Variants in LRP1B observed in about 807,000 individuals in gnomAD.
The protein encoded by LRP1B is low-density lipoprotein receptor-related protein 1B.
LRP1B carries 217 observed loss-of-function variants against 556.6 expected under a neutral mutation model. The observed-to-expected ratio is 0.39, with a 90% confidence interval of 0.35 to 0.44. The LOEUF (loss-of-function observed/expected upper bound fraction) is 0.44, where lower values mean the gene tolerates loss of function less well. Among genes scored for constraint, LRP1B ranks in the 20% least tolerant of loss-of-function variants. The pLI, the probability that LRP1B is intolerant of heterozygous loss-of-function variation, is 1.00. For missense variants in LRP1B, 5,053 were observed against 5,620.8 expected (o/e 0.90, Z 3.23); for synonymous variants, 2,047 against 1,865.8 (o/e 1.10, Z -2.50).
At chr2:141,408,309 A>T (rs963264096) in intron 3 of LRP1B, among the ~76,000 whole-genome samples, 1 of 151,346 alleles carries the variant, frequency 6.6e-6, no homozygotes, top group Non-Finnish European at 1.5e-5. Context: ...CGCGCAGCTA[A>T]TTTTTTTTGT....
At chr2:141,623,359 G>A (rs1196173810) in intron 2 of LRP1B, among the ~76,000 whole-genome samples, 1 of 152,112 alleles carries the variant, frequency 6.6e-6, no homozygotes, top group African/African-American at 2.4e-5. Context: ...GTGGACAATG[G>A]TATATAATGT....
At chr2:140,437,328 T>C (rs1297478709) in intron 66 of LRP1B, among the ~76,000 whole-genome samples, 2 of 152,094 alleles carry the variant, frequency 1.3e-5, no homozygotes, top group Non-Finnish European at 2.9e-5. Flanking sequence ...TGTGATACCA[T>C]ATGTTAGAAA....
At chr2:140,872,360 A>ATTTTTTTTTTTTTTTTTTTTTTTT (rs59469282) in intron 25 of LRP1B, among the ~76,000 whole-genome samples, 2 of 60,488 alleles carry the variant, frequency 3.3e-5, no homozygotes, top group Admixed American at 2.3e-4. Flanking sequence ...GTGTCACCTG[A>ATTTTTTTTTTTTTTTTTTTTTTTT]TTTTTTTTTT....
At chr2:140,977,194 G>T (rs111313847) in intron 18 of LRP1B, among the ~76,000 whole-genome samples, 3,539 of 152,244 alleles carry the variant, frequency 0.023, 68 homozygotes, top group Non-Finnish European at 0.032. Flanking sequence ...ATGGGGGCAG[G>T]TCTTTGCCGT....
chr2:141,248,299 A>T (rs1262280799), intron 4 of LRP1B, among the ~76,000 whole-genome samples: 1 of 152,160 alleles, frequency 6.6e-6, no homozygotes, highest in Admixed American at 6.5e-5. Context: ...GCAGAAGACA[A>T]AATCAATAAA....
At chr2:141,434,482 G>A (rs1680680632) in intron 3 of LRP1B, among the ~76,000 whole-genome samples, 1 of 151,904 alleles carries the variant, frequency 6.6e-6, no homozygotes, top group Admixed American at 6.6e-5. Context: ...ATTTGAGGAA[G>A]TATTGTCAGT....
At chr2:141,320,840 C>T in intron 3 of LRP1B, among the ~76,000 whole-genome samples, 1 of 152,028 alleles carries the variant, frequency 6.6e-6, no homozygotes, top group East Asian at 1.9e-4. Flanking sequence ...TTAAATGATT[C>T]TATGTAATGA....
intron 3 of LRP1B, among the ~76,000 whole-genome samples, chr2:141,374,607 T>C (rs1689360214): frequency 6.6e-6 from 1 of 152,160 alleles, no homozygotes; most frequent in East Asian, 1.9e-4. Flanking sequence ...GACGGATTAT[T>C]TAAAAGGACA....
At chr2:141,447,535 C>T (rs1301965640) in intron 3 of LRP1B, among the ~76,000 whole-genome samples, 1 of 152,106 alleles carries the variant, frequency 6.6e-6, no homozygotes, top group African/African-American at 2.4e-5. Context: ...GGTGTTTCCT[C>T]ATGTTCATGG....
At chr2:141,810,130 A>T (rs1696300370) in intron 2 of LRP1B, 149 bp downstream of exon 2, 1 of 420,426 alleles carries the variant, frequency 2.4e-6, no homozygotes, top group Non-Finnish European at 4.1e-6. Flanking sequence ...AGAAAGAAAG[A>T]AAGAAAGAAA....
chr2:140,758,193 T>G (rs1279927401), intron 35 of LRP1B, among the ~76,000 whole-genome samples: 1 of 152,088 alleles, frequency 6.6e-6, no homozygotes, highest in Non-Finnish European at 1.5e-5. Context: ...GGTTAAAAAT[T>G]TTATGCTAAT....
chr2:140,760,320 A>G (rs1688870969), intron 35 of LRP1B, among the ~76,000 whole-genome samples: 2 of 152,180 alleles, frequency 1.3e-5, no homozygotes, highest in South Asian at 2.1e-4. Context: ...GACACTAAAC[A>G]TGCACAGGGC....
chr2:140,417,224 A>G (rs932842343), intron 66 of LRP1B, among the ~76,000 whole-genome samples: 1 of 152,256 alleles, frequency 6.6e-6, no homozygotes. Flanking sequence ...TGACAGCATC[A>G]TTCTTAGTGG....
In LRP1B at chr2:140,715,865, T is replaced by G. The variant is rs146687108; in HGVS notation, c.6023+108A>C. 42 of 859,974 alleles carry G rather than the reference T, an allele frequency of 4.9e-5. 1 individual carries two copies. In the East Asian group the frequency reaches 1.1e-3, roughly 22 times the overall value. 53.3% of individuals were successfully genotyped at this position (859,974 alleles called of 1,614,324 possible). A position where few individuals can be genotyped will look rare whatever the true frequency, so the allele number is the denominator to read the frequency against. ...CATTTTTTTCTGCTTAGGTAAGATA[T>G]TCTTGATTTTGTCTCAGACATTACA... On this transcript the variant is annotated intron_variant, in intron 37 of 90. Transcript: ENST00000389484.
intron 27 of LRP1B, among the ~76,000 whole-genome samples, chr2:140,852,460 ATGT>A (rs1437171854): frequency 6.6e-6 from 1 of 152,208 alleles, no homozygotes; most frequent in South Asian, 2.1e-4. Context: ...GTTGCAATAG[ATGT>A]TGTTATTTTC....
At chr2:141,409,815 A>ATCTTG (rs1690784408) in intron 3 of LRP1B, among the ~76,000 whole-genome samples, 2 of 152,108 alleles carry the variant, frequency 1.3e-5, no homozygotes, top group South Asian at 4.1e-4. Flanking sequence ...GGCCAAGGAT[A>ATCTTG]GTGTATCTGA....
At position 141,020,005 on chromosome 2, in the gene LRP1B, C is replaced by G. The variant is rs1306542486; in HGVS notation, c.1887G>C (p.Leu629=). The change falls in exon 12 of 91, where the codon CTG becomes CTC. Residue 629 remains leucine (L), a synonymous_variant. Coordinates refer to ENST00000389484, the MANE Select transcript of LRP1B (RefSeq NM_018557.3). ...TCTTCCGACTCTGAGAAGCTTTTTCCAGCCTGGCCACATTAATGGTTTTCC... is the reference window on the plus strand; with the variant it reads ...TCTTCCGACTCTGAGAAGCTTTTTCGAGCCTGGCCACATTAATGGTTTTCC... ...GHRKTINVAR[L]EKASQSRKTL... 6.2e-7 allele frequency: 1 copy of G among 1,611,848 alleles called. No homozygotes were observed. The highest frequency in any genetic ancestry group is 8.5e-7 in the Non-Finnish European group (1 of 1,178,580).
intron 41 of LRP1B, among the ~76,000 whole-genome samples, chr2:140,676,945 T>A (rs1280711737): frequency 6.6e-6 from 1 of 152,238 alleles, no homozygotes; most frequent in Non-Finnish European, 1.5e-5. Flanking sequence ...AACATGTTTT[T>A]CATATCAAAA....
intron 81 of LRP1B, 50 bp downstream of exon 81, chr2:140,323,843 C>CAAGAAAATAATTTA: frequency 1.1e-6 from 1 of 920,428 alleles, no homozygotes; most frequent in Non-Finnish European, 1.6e-6. Flanking sequence ...TTGAGAGATA[C>CAAGAAAATAATTTA]AAGAAAATAA....
Sources: allele counts gnomAD v4.1 joint callset (sites outside exome capture counted in the v4.1 genomes callset), GRCh38; gene constraint gnomAD v4.1.1; transcripts MANE v1.5; gene names NCBI Gene and HGNC (gene_info 2026-07-23, HGNC 2026-07-21).